UNC13C: variants seen among roughly 807,000 people sequenced by gnomAD.
UNC13C encodes the protein protein unc-13 homolog C.
Under a neutral mutation model 245.4 loss-of-function variants are expected in UNC13C, and 174 were observed. That is an observed-to-expected ratio of 0.71 (90% CI 0.63 to 0.80). UNC13C has a LOEUF of 0.80. Among genes scored for constraint, UNC13C ranks in the 30% least tolerant of loss-of-function variants. The pLI, the probability that UNC13C is intolerant of heterozygous loss-of-function variation, is 0.00. For synonymous variants in UNC13C, 992 were observed against 895.1 expected, an observed-to-expected ratio of 1.11 and a Z score of -1.93; for missense variants, 2,829 against 2,602.9, an observed-to-expected ratio of 1.09 and a Z score of -1.89.
intron 19 of UNC13C, among the ~76,000 whole-genome samples, chr15:54,417,512 A>C (rs566281356): frequency 6.6e-6 from 1 of 152,160 alleles, no homozygotes; most frequent in Non-Finnish European, 1.5e-5. Context: ...TTTAAAACTT[A>C]CTCTAAATCT....
chr15:53,841,888 C>T, the UNC13C span, among the ~76,000 whole-genome samples: 1 of 152,138 alleles, frequency 6.6e-6, no homozygotes, highest in Non-Finnish European at 1.5e-5. Flanking sequence ...AAATTTTGCA[C>T]AGAAGGTTAC....
intron 19 of UNC13C, among the ~76,000 whole-genome samples, chr15:54,425,076 C>T (rs1326297838): frequency 3.3e-5 from 5 of 151,794 alleles, no homozygotes; most frequent in African/African-American, 1.2e-4. Context: ...TCTGGCCTAC[C>T]AGGGACCACT....
intron 7 of UNC13C, among the ~76,000 whole-genome samples, chr15:54,238,865 C>G (rs994072397): frequency 2.6e-5 from 4 of 152,140 alleles, no homozygotes; most frequent in African/African-American, 9.7e-5. Flanking sequence ...AAATCCGGCT[C>G]ACTGGAACTC....
chr15:54,529,988 G>A (rs1427023957), intron 25 of UNC13C, among the ~76,000 whole-genome samples: 1 of 152,060 alleles, frequency 6.6e-6, no homozygotes, highest in Admixed American at 6.6e-5. Flanking sequence ...GCTTACTTAG[G>A]TAAGAACCAT....
chr15:54,447,382 G>C (rs985775379), intron 19 of UNC13C, among the ~76,000 whole-genome samples: 3 of 152,138 alleles, frequency 2.0e-5, no homozygotes, highest in Non-Finnish European at 4.4e-5. Context: ...GTAGAATTTG[G>C]CTGTGAATCT....
the UNC13C span, among the ~76,000 whole-genome samples, chr15:53,936,775 C>T: frequency 6.6e-6 from 1 of 152,186 alleles, no homozygotes; most frequent in Non-Finnish European, 1.5e-5. Context: ...CAAACTGCAG[C>T]AGCCCTATGG....
intron 30 of UNC13C, among the ~76,000 whole-genome samples, chr15:54,621,252 G>GCAAT (rs1900779298): frequency 1.3e-5 from 2 of 151,860 alleles, no homozygotes; most frequent in Non-Finnish European, 2.9e-5. Flanking sequence ...CTAATACATT[G>GCAAT]CAAATGAGAT....
At chr15:54,283,634 T>G (rs2140920617) in intron 10 of UNC13C, among the ~76,000 whole-genome samples, 1 of 152,238 alleles carries the variant, frequency 6.6e-6, no homozygotes, top group East Asian at 1.9e-4. Flanking sequence ...ATGTAATTAG[T>G]TACAAGCAGT....
Position 54,619,805 on chromosome 15 carries a change from CTAA to C in UNC13C, c.6107-2515_6107-2513del, listed in dbSNP as rs1264137953. Among the ~76,000 whole-genome samples the C allele has an allele frequency of 8.5e-5, 13 of 152,066 alleles. No homozygotes were observed. In the South Asian group the frequency reaches 1.5e-3, roughly 17 times the overall value. ...TTGTATGAATGAGAAGTATGGATTA[CTAA>C]TAATAAAGGCATTCTGTTAAGGAGA... On this transcript the variant is annotated intron_variant, in intron 30 of 32. Transcript: ENST00000260323.
At chr15:54,288,785 G>A (rs2037216150) in intron 10 of UNC13C, among the ~76,000 whole-genome samples, 1 of 151,986 alleles carries the variant, frequency 6.6e-6, no homozygotes, top group Non-Finnish European at 1.5e-5. Flanking sequence ...CAGGAGACGG[G>A]CTCTAAGACA....
chr15:54,195,657 G>A (rs112692286), intron 4 of UNC13C, among the ~76,000 whole-genome samples: 26 of 152,076 alleles, frequency 1.7e-4, no homozygotes, highest in Middle Eastern at 6.8e-3. Context: ...TTGCTCTTTC[G>A]TCTCTATACT....
chr15:54,436,745 G>A (rs140665036), intron 19 of UNC13C, among the ~76,000 whole-genome samples: 28 of 151,906 alleles, frequency 1.8e-4, no homozygotes, highest in Non-Finnish European at 4.0e-4. Flanking sequence ...ATGGGTTGAT[G>A]AGTGCAGCAA....
At chr15:54,218,682 T>C (rs2035120014) in intron 4 of UNC13C, among the ~76,000 whole-genome samples, 1 of 151,886 alleles carries the variant, frequency 6.6e-6, no homozygotes, top group Admixed American at 6.6e-5. Flanking sequence ...ATGACATGCT[T>C]AGATTTTGTG....
chr15:54,435,964 C>A (rs2040977209), intron 19 of UNC13C, among the ~76,000 whole-genome samples: 1 of 151,690 alleles, frequency 6.6e-6, no homozygotes, highest in African/African-American at 2.4e-5. Context: ...AGTTATGTGG[C>A]CAAGAAACAT....
intron 28 of UNC13C, among the ~76,000 whole-genome samples, chr15:54,553,085 A>T (rs1896911140): frequency 1.0e-5 from 1 of 96,696 alleles, no homozygotes; most frequent in African/African-American, 4.0e-5. Flanking sequence ...TGTATTCTAT[A>T]TTACAATATA....
At chr15:54,039,989 TC>T (rs1438151547) in intron 2 of UNC13C, among the ~76,000 whole-genome samples, 1 of 151,928 alleles carries the variant, frequency 6.6e-6, no homozygotes, top group Non-Finnish European at 1.5e-5. Flanking sequence ...GCAATGTGCC[TC>T]CCCCACCCCA....
At chr15:53,948,923 C>T in the UNC13C span, among the ~76,000 whole-genome samples, 1 of 152,162 alleles carries the variant, frequency 6.6e-6, no homozygotes, top group South Asian at 2.1e-4. Flanking sequence ...ACTTAAAGAG[C>T]TTGGAATTTA....
At chr15:54,600,512 G>C (rs773861231) in intron 30 of UNC13C, among the ~76,000 whole-genome samples, 1 of 151,938 alleles carries the variant, frequency 6.6e-6, no homozygotes, top group Non-Finnish European at 1.5e-5. Context: ...AGATTATAGG[G>C]GGCCTTTTAG....
the UNC13C span, among the ~76,000 whole-genome samples, chr15:53,883,063 T>G: frequency 1.3e-5 from 2 of 151,894 alleles, no homozygotes; most frequent in South Asian, 4.2e-4. Context: ...AAAAAAAAGT[T>G]AAAGGAAAAA....
Sources: allele counts gnomAD v4.1 joint callset (sites outside exome capture counted in the v4.1 genomes callset), GRCh38; gene constraint gnomAD v4.1.1; transcripts MANE v1.5; gene names NCBI Gene and HGNC (gene_info 2026-07-23, HGNC 2026-07-21).